The following PEX3 variants were observed in gnomAD, a reference collection of about 807,000 sequenced individuals.
PEX3 encodes the protein peroxisomal biogenesis factor 3.
In PEX3, 30 loss-of-function variants were observed where a neutral mutation model predicts 55.8. The observed-to-expected ratio is 0.54, with a 90% CI of 0.40 to 0.73. PEX3 has a LOEUF of 0.73. PEX3 is among the 30% of genes least tolerant of loss of function. The probability of loss-of-function intolerance (pLI) is 0.00; values close to 1 mark genes in which losing one functional copy is unlikely to be tolerated. For missense variants in PEX3, 351 were observed against 432.8 expected (o/e 0.81, Z 1.68); for synonymous variants, 135 against 148.4 (o/e 0.91, Z 0.66).
rs965654593 is a variant in PEX3 at position 143,486,285 on chromosome 6, A to T, written c.1038+1037A>T. Reference sequence around the variant, plus strand: ...TGAGAAAAAGGTCATAACTTGGGGCATTTAAACCTTACCTTTACCTTTGTC... The same window carrying T: ...TGAGAAAAAGGTCATAACTTGGGGCTTTTAAACCTTACCTTTACCTTTGTC... On this transcript the variant is annotated intron_variant, in intron 11 of 11. Coordinates refer to ENST00000367591, the MANE Select transcript of PEX3 (RefSeq NM_003630.3). This position sits in a 1 kb window ranked among gnomAD's most constrained non-coding sequence, Gnocchi z 5.0. Among the ~76,000 whole-genome samples the T allele has an allele frequency of 2.6e-5, 4 of 152,118 alleles. No homozygotes were observed. Among genetic ancestry groups the T allele is most frequent in the African/African-American group, 9.7e-5 (4 of 41,440 alleles).
chr6:143,468,084 A>G (rs763437676), intron 3 of PEX3, 38 bp from the exon 4 acceptor site: 3 of 1,081,370 alleles, frequency 2.8e-6, no homozygotes, highest in Non-Finnish European at 2.8e-6. Flanking sequence ...TAGATTATCT[A>G]GATTATTATT....
rs1350818842 is a variant in PEX3 at position 143,476,679 on chromosome 6, G to A, written c.818+1823G>A. Among the ~76,000 whole-genome samples, 2 of 152,206 alleles carry A rather than the reference G, an allele frequency of 1.3e-5. No homozygotes were observed. The highest frequency in any genetic ancestry group is 3.8e-4 in the East Asian group (2 of 5,196). On this transcript the variant is annotated intron_variant, in intron 9 of 11. Coordinates refer to ENST00000367591, the MANE Select transcript of PEX3 (RefSeq NM_003630.3). The surrounding 1 kb of genome is among the most constrained non-coding windows in gnomAD (Gnocchi z 5.4). ...GAGGCAAGGATGACTCCTAGGTATTGGGGCTGAGCATTTGAGGAAATAGGA... is the reference window on the plus strand; with the variant it reads ...GAGGCAAGGATGACTCCTAGGTATTAGGGCTGAGCATTTGAGGAAATAGGA...
chr6:143,472,046 A>G (rs1010058148), intron 7 of PEX3, 114 bp from the exon 8 acceptor site: 1 of 751,972 alleles, frequency 1.3e-6, no homozygotes, highest in Non-Finnish European at 2.3e-6. Context: ...GTCAGCAGTT[A>G]CAGGTGTAAG....
chr6:143,463,058 T>C lies in PEX3; in HGVS notation c.287+61T>C, dbSNP rs1222371604. 1 of 1,199,336 alleles carries C rather than the reference T, an allele frequency of 8.3e-7. No homozygotes were observed. Among genetic ancestry groups the C allele is most frequent in the Non-Finnish European group, 1.2e-6 (1 of 809,062 alleles). 74.3% of individuals were successfully genotyped at this position (1,199,336 alleles called of 1,614,324 possible). ...TACACTTAAAGTTTATAGAATGAACTGATAGACTTTTCAAAAATCTTTGTT... is the reference window on the plus strand; with the variant it reads ...TACACTTAAAGTTTATAGAATGAACCGATAGACTTTTCAAAAATCTTTGTT... On this transcript the variant is annotated intron_variant, in intron 3 of 11. Transcript: ENST00000367591. The surrounding 1 kb of genome is among the most constrained non-coding windows in gnomAD (Gnocchi z 5.7).
rs1253535906 is a variant in PEX3, at chr6:143,466,740, A to G, written c.288-1382A>G. ...AAAAAGGTAAAGAAAAATGTGTATA[A>G]TATTTTTCACTTATCTAAGGGGGCA... On this transcript the variant is annotated intron_variant, in intron 3 of 11. Coordinates refer to ENST00000367591, the MANE Select transcript of PEX3 (RefSeq NM_003630.3). The surrounding 1 kb of genome is among the most constrained non-coding windows in gnomAD (Gnocchi z 5.4). Among the ~76,000 whole-genome samples, 3 of 152,002 alleles carry G rather than the reference A, an allele frequency of 2.0e-5. No individual in the cohort carries two copies. The East Asian group carries it at 5.8e-4, about 29-fold the overall frequency.
intron 8 of PEX3, among the ~76,000 whole-genome samples, chr6:143,472,574 A>G (rs1201051838): frequency 1.3e-5 from 2 of 152,194 alleles, no homozygotes; most frequent in African/African-American, 4.8e-5. Context: ...AGATACTGTG[A>G]TGTATTCTGG....
intron 1 of PEX3, among the ~76,000 whole-genome samples, chr6:143,452,478 G>A (rs983443466): frequency 6.6e-6 from 1 of 152,104 alleles, no homozygotes; most frequent in Admixed American, 6.5e-5. Flanking sequence ...TCTCTTTAGC[G>A]ATCTCAGAAG....
At chr6:143,455,963 G>C (rs1189438125) in intron 1 of PEX3, among the ~76,000 whole-genome samples, 3 of 152,182 alleles carry the variant, frequency 2.0e-5, no homozygotes, top group African/African-American at 7.2e-5. Flanking sequence ...CATCCAGAAA[G>C]AGAAGACTAA....
intron 9 of PEX3, among the ~76,000 whole-genome samples, chr6:143,478,830 A>C (rs984786568): frequency 6.6e-6 from 1 of 152,108 alleles, no homozygotes; most frequent in Non-Finnish European, 1.5e-5. Flanking sequence ...GATATTTTTT[A>C]AAAAATTCAT....
chr6:143,486,040 A>G lies in PEX3; in HGVS notation c.1038+792A>G, dbSNP rs1377892469. Among the ~76,000 whole-genome samples, 1 of 151,884 alleles carries G rather than the reference A, an allele frequency of 6.6e-6. No individual in the cohort carries two copies. The highest frequency in any genetic ancestry group is 1.5e-5 in the Non-Finnish European group (1 of 67,978). ...AGTGTATCCTCTCTGTAGACTTTTTACTCTTGGGAACGTGGAGAGCACTGA... is the reference window on the plus strand; with the variant it reads ...AGTGTATCCTCTCTGTAGACTTTTTGCTCTTGGGAACGTGGAGAGCACTGA... On this transcript the variant is annotated intron_variant, in intron 11 of 11. Coordinates refer to ENST00000367591, the MANE Select transcript of PEX3 (RefSeq NM_003630.3). The surrounding 1 kb of genome is among the most constrained non-coding windows in gnomAD (Gnocchi z 5.0).
chr6:143,461,949 A>G (rs1244025929), intron 2 of PEX3, among the ~76,000 whole-genome samples: 1 of 152,208 alleles, frequency 6.6e-6, no homozygotes, highest in African/African-American at 2.4e-5. Context: ...TTCTGTCTCA[A>G]AAAGAAAAGG....
intron 1 of PEX3, among the ~76,000 whole-genome samples, chr6:143,452,530 G>C (rs550524355): frequency 1.3e-5 from 2 of 152,228 alleles, no homozygotes; most frequent in East Asian, 3.9e-4. Flanking sequence ...TAGTAGATTA[G>C]AAATAATCAC....
chr6:143,472,682 G>A (rs1196103675), intron 8 of PEX3, among the ~76,000 whole-genome samples: 1 of 152,106 alleles, frequency 6.6e-6, no homozygotes, highest in Non-Finnish European at 1.5e-5. Context: ...AGATCAAGTA[G>A]CAGAACATAG....
At chr6:143,455,403 G>A (rs1779832971) in intron 1 of PEX3, among the ~76,000 whole-genome samples, 1 of 115,926 alleles carries the variant, frequency 8.6e-6, no homozygotes, top group African/African-American at 3.4e-5. Context: ...TTTTAGTAGA[G>A]ACGGGGTTTC....
chr6:143,480,719 T>C (rs1198396266), intron 10 of PEX3, among the ~76,000 whole-genome samples: 2 of 152,136 alleles, frequency 1.3e-5, no homozygotes, highest in African/African-American at 4.8e-5. Context: ...CTAGCCATCA[T>C]AGTAAGTCAA....
rs1427427426 is a variant in PEX3, at chr6:143,462,180, A to G, written c.206-736A>G. 6.6e-6 allele frequency among the ~76,000 whole-genome samples: 1 copy of G among 152,296 alleles called. No homozygotes were observed. Among genetic ancestry groups the G allele is most frequent in the Middle Eastern group, 3.4e-3 (1 of 294 alleles). On this transcript the variant is annotated intron_variant, in intron 2 of 11. Coordinates refer to ENST00000367591, the MANE Select transcript of PEX3 (RefSeq NM_003630.3). This position sits in a 1 kb window ranked among gnomAD's most constrained non-coding sequence, Gnocchi z 4.1. The stretch of plus-strand genomic sequence containing the variant: ...TCCCATAGATTGCTAGTCTCATTTC[A>G]TCTTCACATTATTCCTGGGAGTAAG...
chr6:143,485,108 TG>T lies in PEX3; in HGVS notation c.942-40del, dbSNP rs1780297770. ...TTATAATTAAGATGTTAAAGTCCTG[TG>T]GGGTCATTTCAGAAAATAATCATTA... On this transcript the variant is annotated intron_variant, in intron 10 of 11. Coordinates refer to ENST00000367591, the MANE Select transcript of PEX3 (RefSeq NM_003630.3). This position sits in a 1 kb window ranked among gnomAD's most constrained non-coding sequence, Gnocchi z 5.6. 2.0e-6 allele frequency: 2 copies of T among 1,000,384 alleles called. No individual in the cohort carries two copies. The highest frequency in any genetic ancestry group is 1.6e-5 in the African/African-American group (1 of 63,268). The allele number at this position is 1,000,384 out of a possible 1,614,324, so 62.0% of individuals were successfully genotyped here.
Position 143,464,137 on chromosome 6 carries a change from G to T in PEX3, c.287+1140G>T, listed in dbSNP as rs766316735. Among the ~76,000 whole-genome samples, 19 of 152,028 alleles carry T rather than the reference G, an allele frequency of 1.2e-4. No individual in the cohort carries two copies. The highest frequency in any genetic ancestry group is 2.6e-4 in the Non-Finnish European group (18 of 67,934). ...TGAAGAAGAAACATATAAGCAGATT[G>T]CTTTTGATCAAATAAATAATTACCA... On this transcript the variant is annotated intron_variant, in intron 3 of 11. Transcript: ENST00000367591. The surrounding 1 kb of genome is among the most constrained non-coding windows in gnomAD (Gnocchi z 5.8).
Position 143,462,626 on chromosome 6 carries a change from CACT to C in PEX3, c.206-289_206-287del, listed in dbSNP as rs1490536073. Reference sequence around the variant, plus strand: ...TCATAATCCATAGCTCAAAGACCACCACTGTTAAAATCTGAGAATAATTCTTTC... The same window carrying C: ...TCATAATCCATAGCTCAAAGACCACCGTTAAAATCTGAGAATAATTCTTTC... On this transcript the variant is annotated intron_variant, in intron 2 of 11. Transcript: ENST00000367591. The surrounding 1 kb of genome is among the most constrained non-coding windows in gnomAD (Gnocchi z 4.1). Among the ~76,000 whole-genome samples, 3 of 152,044 alleles carry C rather than the reference CACT, an allele frequency of 2.0e-5. No homozygotes were observed. The highest frequency in any genetic ancestry group is 3.9e-4 in the East Asian group (2 of 5,190).
Sources: gnomAD v4.1 joint callset for allele counts (sites outside exome capture counted in the v4.1 genomes callset) on GRCh38, gnomAD v4.1.1 for gene constraint, Gnocchi (gnomAD v3.1) non-coding constraint, MANE v1.5 for transcripts, NCBI Gene and HGNC (gene_info 2026-07-23, HGNC 2026-07-21) for gene names.